The following WDR41 variants were observed in gnomAD, a reference collection of about 807,000 sequenced individuals.
WDR41 encodes the protein WD repeat domain 41.
Under a neutral mutation model 69.3 loss-of-function variants are expected in WDR41, and 63 were observed. The ratio of observed to expected loss-of-function variants is 0.91; its 90% confidence interval spans 0.74 to 1.12. WDR41 has a LOEUF of 1.12. Among genes scored for constraint, WDR41 ranks in the 50% most tolerant of loss-of-function variants. The probability of loss-of-function intolerance (pLI) is 0.00; values close to 1 mark genes in which losing one functional copy is unlikely to be tolerated. For missense variants in WDR41, 543 were observed against 534.5 expected (o/e 1.02, Z -0.16); for synonymous variants, 185 against 192.1 (o/e 0.96, Z 0.31).
At chr5:77,518,040 AG>A (rs1802317079) in intron 1 of WDR41, among the ~76,000 whole-genome samples, 1 of 152,148 alleles carries the variant, frequency 6.6e-6, no homozygotes, top group Non-Finnish European at 1.5e-5. Flanking sequence ...CTCAAAAAAA[AG>A]TGTTGCATTG....
intron 1 of WDR41, among the ~76,000 whole-genome samples, chr5:77,590,778 A>C (rs144141751): frequency 6.6e-4 from 101 of 152,258 alleles, no homozygotes; most frequent in African/African-American, 2.3e-3. Context: ...TGCTAAGTAA[A>C]ATATTTTCTC....
intron 1 of WDR41, among the ~76,000 whole-genome samples, chr5:77,615,740 C>A (rs151074124): frequency 0.021 from 3,069 of 145,976 alleles, 45 homozygotes; most frequent in Non-Finnish European, 0.032. Context: ...CTCCTGTAAT[C>A]CCAGCACTTT....
intron 2 of WDR41, among the ~76,000 whole-genome samples, chr5:77,467,257 A>T (rs1467082348): frequency 6.6e-6 from 1 of 152,030 alleles, no homozygotes; most frequent in Admixed American, 6.6e-5. Flanking sequence ...TTCTAAAGTA[A>T]CAGAAAGCAA....
At chr5:77,566,563 AT>A (rs1743633265) in intron 1 of WDR41, among the ~76,000 whole-genome samples, 1 of 152,010 alleles carries the variant, frequency 6.6e-6, no homozygotes, top group South Asian at 2.1e-4. Flanking sequence ...CCTTTTCAAT[AT>A]TTCTGGGCCT....
Position 77,569,882 on chromosome 5 carries a change from G to A in WDR41, c.42+50597C>T, listed in dbSNP as rs1273086678. On this transcript the variant is annotated intron_variant, in intron 1 of 5. Transcript: ENST00000509971. ...CTCTCACCATTGACTGGGGTGAATG[G>A]CACAGCATGTTCTTCTTAAATACAT... is the stretch of plus-strand genomic sequence containing the variant. Among the ~76,000 whole-genome samples, 4 of 152,140 alleles carry A rather than the reference G, an allele frequency of 2.6e-5. No individual in the cohort carries two copies. The East Asian group carries it at 7.7e-4, about 29-fold the overall frequency.
At chr5:77,546,573 A>G (rs1476056326) in intron 1 of WDR41, among the ~76,000 whole-genome samples, 1 of 152,172 alleles carries the variant, frequency 6.6e-6, no homozygotes, top group East Asian at 1.9e-4. Flanking sequence ...AATTTAAATC[A>G]GGAAGAATTA....
intron 1 of WDR41, among the ~76,000 whole-genome samples, chr5:77,504,185 A>G (rs1444511998): frequency 1.3e-5 from 2 of 152,204 alleles, no homozygotes; most frequent in African/African-American, 2.4e-5. Context: ...ATAAAAAATG[A>G]TAAAGGGGAT....
In WDR41 at chr5:77,544,436, T is replaced by C. The variant is rs571695414; in HGVS notation, c.43-54864A>G. Among the ~76,000 whole-genome samples the C allele has an allele frequency of 2.6e-5, 4 of 151,918 alleles. No homozygotes were observed. In the East Asian group the frequency reaches 7.7e-4, roughly 29 times the overall value. ...GGCTTCAAGAGACTCACCTAATACA[T>C]AAGGACTCACACAAACTTAAGGTAA... On this transcript the variant is annotated intron_variant, in intron 1 of 5. Coordinates refer to the WDR41 transcript ENST00000509971.
At chr5:77,542,977 G>C (rs1743119800) in intron 1 of WDR41, among the ~76,000 whole-genome samples, 1 of 152,140 alleles carries the variant, frequency 6.6e-6, no homozygotes, top group Non-Finnish European at 1.5e-5. Context: ...TCACATCACA[G>C]TACTCTGTGC....
intron 1 of WDR41, among the ~76,000 whole-genome samples, chr5:77,585,802 ATGGACTT>A (rs1332315153): frequency 6.6e-6 from 1 of 152,152 alleles, no homozygotes; most frequent in Non-Finnish European, 1.5e-5. Flanking sequence ...GAATGATACC[ATGGACTT>A]TGGGGACTTG....
At chr5:77,488,933 T>C (rs1801643992) in intron 2 of WDR41, among the ~76,000 whole-genome samples, 1 of 152,194 alleles carries the variant, frequency 6.6e-6, no homozygotes, top group African/African-American at 2.4e-5. Context: ...CTAAAGCCTA[T>C]ACACCTTCAC....
intron 1 of WDR41, among the ~76,000 whole-genome samples, chr5:77,563,544 G>A (rs900960392): frequency 1.3e-5 from 2 of 152,102 alleles, no homozygotes; most frequent in African/African-American, 4.8e-5. Context: ...TCAGTAAAAG[G>A]TACATGCAGC....
In WDR41 at chr5:77,463,114, G is replaced by A. The variant is rs758279519; in HGVS notation, c.329C>T (p.Ser110Phe). 7.4e-6 allele frequency: 12 copies of A among 1,612,184 alleles called. No homozygotes were observed. The highest frequency in any genetic ancestry group is 4.4e-5 in the South Asian group (4 of 90,894). Reference sequence around the variant, plus strand: ...GGATACAATAACTGTTCTATCAGCAGAGGCTGTCAAGATGAGTTGATTTTT... The same window carrying A: ...GGATACAATAACTGTTCTATCAGCAAAGGCTGTCAAGATGAGTTGATTTTT... ...EEKNQLILTASADRTVIVWDG... is the reference protein window; with the variant it reads ...EEKNQLILTAFADRTVIVWDG... Residue 110 changes from serine to phenylalanine, a missense_variant, in exon 4 of 13, where the codon TCT becomes TTT. Physicochemically the swap from Ser to Phe is radical, Grantham distance 155. Transcript: ENST00000296679.
At chr5:77,493,449 A>T (rs1801887112), upstream of WDR41, among the ~76,000 whole-genome samples, 1 of 152,292 alleles carries the variant, frequency 6.6e-6, no homozygotes, top group East Asian at 1.9e-4. Context: ...ATAATGTCCC[A>T]GTCACCAATA....
chr5:77,458,934 T>A, intron 5 of WDR41, 128 bp downstream of exon 5: 1 of 597,000 alleles, frequency 1.7e-6, no homozygotes, highest in Non-Finnish European at 2.9e-6. Context: ...ACGAAGCAAA[T>A]GACTACAAGT....
intron 6 of WDR41, chr5:77,452,454 G>A (rs1561737481): frequency 6.6e-6 from 1 of 152,246 alleles, no homozygotes; most frequent in Non-Finnish European, 1.5e-5. Context: ...CGGATGCCCT[G>A]TGTTTTAGTC....
At chr5:77,557,642 T>G (rs1357102097) in intron 1 of WDR41, among the ~76,000 whole-genome samples, 1 of 152,208 alleles carries the variant, frequency 6.6e-6, no homozygotes, top group East Asian at 1.9e-4. Flanking sequence ...AAAAGCAGTC[T>G]GGCATTAATT....
intron 1 of WDR41, among the ~76,000 whole-genome samples, chr5:77,513,724 C>G (rs961685988): frequency 1.3e-5 from 2 of 152,158 alleles, no homozygotes; most frequent in East Asian, 3.8e-4. Context: ...TTAATCATTT[C>G]CACATAGTAT....
At chr5:77,515,730 T>C (rs189199303) in intron 1 of WDR41, among the ~76,000 whole-genome samples, 28 of 152,282 alleles carry the variant, frequency 1.8e-4, no homozygotes, top group Non-Finnish European at 3.7e-4. Context: ...TATGGAACCA[T>C]GATCATATAT....
Sources: gnomAD v4.1 joint callset for allele counts (sites outside exome capture counted in the v4.1 genomes callset) on GRCh38, gnomAD v4.1.1 for gene constraint, MANE v1.5 for transcripts, NCBI Gene and HGNC (gene_info 2026-07-23, HGNC 2026-07-21) for gene names.